The following DNAJC13 variants were observed in gnomAD, a reference collection of about 807,000 sequenced individuals.
DNAJC13 encodes the protein DnaJ heat shock protein family (Hsp40) member C13, also known as dnaJ homolog subfamily C member 13.
A neutral mutation model predicts 290.5 loss-of-function variants in DNAJC13; 75 were observed. That is an observed-to-expected ratio of 0.26 (90% CI 0.21 to 0.31). The LOEUF is 0.31. Ranked by LOEUF, DNAJC13 falls within the 10% of genes least tolerant of loss-of-function variation. The pLI is 1.00. For synonymous variants in DNAJC13, 862 were observed against 892.0 expected (o/e 0.97, Z 0.60); for missense variants, 2,260 against 2,674.5 (o/e 0.85, Z 3.42).
chr3:132,520,051 GC>G (rs1194083877), intron 48 of DNAJC13, among the ~76,000 whole-genome samples: 1 of 152,106 alleles, frequency 6.6e-6, no homozygotes, highest in Non-Finnish European at 1.5e-5. Flanking sequence ...AGAAAGACCT[GC>G]CCCTGTGATT....
intron 55 of DNAJC13, among the ~76,000 whole-genome samples, chr3:132,536,270 C>G (rs369738410): frequency 6.6e-6 from 1 of 152,126 alleles, no homozygotes; most frequent in African/African-American, 2.4e-5. Context: ...ATGGACAGGC[C>G]GAATCCGCTA....
intron 26 of DNAJC13, among the ~76,000 whole-genome samples, chr3:132,481,277 C>T (rs757242970): frequency 2.0e-5 from 3 of 152,102 alleles, no homozygotes; most frequent in Non-Finnish European, 4.4e-5. Context: ...ATTTCATTCT[C>T]AAGGAAGGTG....
intron 30 of DNAJC13, 111 bp from the exon 31 acceptor site, chr3:132,488,865 T>C: frequency 1.4e-6 from 1 of 731,384 alleles, no homozygotes; most frequent in Non-Finnish European, 2.3e-6. Flanking sequence ...TTTATGTGAG[T>C]TGCCATTTGT....
chr3:132,439,602 C>T (rs1271781892), intron 2 of DNAJC13, among the ~76,000 whole-genome samples: 2 of 152,134 alleles, frequency 1.3e-5, no homozygotes, highest in Non-Finnish European at 2.9e-5. Flanking sequence ...GATCACATCT[C>T]CTTTATCGGA....
intron 48 of DNAJC13, among the ~76,000 whole-genome samples, chr3:132,522,329 C>A (rs926300590): frequency 1.3e-5 from 2 of 152,002 alleles, no homozygotes; most frequent in Non-Finnish European, 2.9e-5. Flanking sequence ...TTTTTAAATC[C>A]TTTCTGGAAA....
chr3:132,480,045 AT>A (rs1934616312), intron 25 of DNAJC13, among the ~76,000 whole-genome samples: 1 of 152,206 alleles, frequency 6.6e-6, no homozygotes, highest in South Asian at 2.1e-4. Flanking sequence ...ATATAGAATA[AT>A]CTGTTTATTA....
chr3:132,501,569 C>CAA (rs74269441), intron 39 of DNAJC13, among the ~76,000 whole-genome samples: 41 of 106,180 alleles, frequency 3.9e-4, no homozygotes, highest in African/African-American at 1.3e-3. Context: ...GACTCTGTCT[C>CAA]AAAAAAAAAA....
chr3:132,526,307 T>C (rs761200810), intron 53 of DNAJC13, 26 bp downstream of exon 53: 38 of 1,612,116 alleles, frequency 2.4e-5, no homozygotes, highest in Non-Finnish European at 2.9e-5. Flanking sequence ...GATTTAGCAC[T>C]ATTTTAGGAA....
Position 132,483,269 on chromosome 3 carries a change from A to G in DNAJC13, c.2980-106A>G, listed in dbSNP as rs898099428. ...TTATTTTTTCTGAAATAGTGTACTT[A>G]CATGTTTGTTTCATAATTTAGTATG... On this transcript the variant is annotated intron_variant, in intron 27 of 55. Transcript: ENST00000260818. The G allele has an allele frequency of 7.7e-6, 8 of 1,041,258 alleles. No individual in the cohort carries two copies. The Admixed American group carries it at 1.8e-4, about 24-fold the overall frequency. The allele number at this position is 1,041,258 out of a possible 1,614,324, so 64.5% of individuals were successfully genotyped here. A position where few individuals can be genotyped will look rare whatever the true frequency, so the allele number is the denominator to read the frequency against.
chr3:132,485,755 T>C (rs758517505), intron 29 of DNAJC13, among the ~76,000 whole-genome samples: 34 of 152,366 alleles, frequency 2.2e-4, no homozygotes, highest in South Asian at 1.7e-3. Context: ...ATACCAATGA[T>C]TCAAAGCATT....
chr3:132,538,536 C>T lies in DNAJC13; in HGVS notation c.*254C>T, dbSNP rs943292162. The T allele has an allele frequency of 1.3e-5, 4 of 302,092 alleles. No individual in the cohort carries two copies. The allele number at this position is 302,092 out of a possible 1,614,324, so 18.7% of individuals were successfully genotyped here. On this transcript the variant is annotated 3_prime_UTR_variant, in exon 56 of 56. Coordinates refer to ENST00000260818, the MANE Select transcript of DNAJC13 (RefSeq NM_015268.4). Reference sequence around the variant, plus strand: ...CTTGGTGTATGTAAGCACATTTGTTCCTTTATATCTGTTTACAAAACTGTG... The same window carrying T: ...CTTGGTGTATGTAAGCACATTTGTTTCTTTATATCTGTTTACAAAACTGTG...
chr3:132,493,300 T>A (rs1254889559), intron 33 of DNAJC13, among the ~76,000 whole-genome samples: 1 of 152,060 alleles, frequency 6.6e-6, no homozygotes, highest in African/African-American at 2.4e-5. Context: ...GTGGAACTTA[T>A]ACCATTATTA....
chr3:132,469,265 C>A (rs566366013), intron 20 of DNAJC13, among the ~76,000 whole-genome samples: 1 of 152,262 alleles, frequency 6.6e-6, no homozygotes, highest in South Asian at 2.1e-4. Flanking sequence ...TGATCTTATG[C>A]TGTAGTTAGA....
In DNAJC13 at chr3:132,450,644, T is replaced by C. The variant is rs200877585; in HGVS notation, c.337-3T>C. 2.2e-5 allele frequency: 36 copies of C among 1,602,574 alleles called. 1 individual carries two copies. The highest frequency in any genetic ancestry group is 6.7e-5 in the South Asian group (6 of 89,940). On this transcript the variant is annotated splice_polypyrimidine_tract_variant and splice_region_variant and intron_variant, in intron 5 of 55. Transcript: ENST00000260818. ...CTAAAAGTAATACTGATTCTGTCTT[T>C]AGAGATACAACTGCTATAAGCATCA...
At chr3:132,474,826 C>CCTTT (rs1559886166) in intron 21 of DNAJC13, 106 bp from the exon 22 acceptor site, 21 of 47,030 alleles carry the variant, frequency 4.5e-4, no homozygotes, top group Non-Finnish European at 5.4e-4. Context: ...CCCCCCCCCC[C>CCTTT]TTTTTTTTTT....
At chr3:132,424,697 T>C (rs1939045454) in intron 1 of DNAJC13, among the ~76,000 whole-genome samples, 1 of 152,142 alleles carries the variant, frequency 6.6e-6, no homozygotes, top group Admixed American at 6.5e-5. Context: ...AAATTTGATA[T>C]TACCGCTGGC....
intron 55 of DNAJC13, among the ~76,000 whole-genome samples, chr3:132,536,807 G>T (rs1462516335): frequency 1.3e-5 from 2 of 152,136 alleles, no homozygotes; most frequent in African/African-American, 4.8e-5. Flanking sequence ...CATCCTGATT[G>T]GCTCAAGGCA....
intron 42 of DNAJC13, among the ~76,000 whole-genome samples, chr3:132,505,755 C>A (rs1405998348): frequency 6.6e-6 from 1 of 152,018 alleles, no homozygotes; most frequent in Non-Finnish European, 1.5e-5. Context: ...TTCTACCCTG[C>A]CACCTTTTAG....
intron 2 of DNAJC13, among the ~76,000 whole-genome samples, chr3:132,441,509 C>T (rs1933069341): frequency 6.6e-6 from 1 of 152,084 alleles, no homozygotes; most frequent in South Asian, 2.1e-4. Flanking sequence ...AGCCTGTTGG[C>T]GTAGATTCTC....
Sources: gnomAD v4.1 joint callset for allele counts (sites outside exome capture counted in the v4.1 genomes callset) on GRCh38, gnomAD v4.1.1 for gene constraint, MANE v1.5 for transcripts, NCBI Gene and HGNC (gene_info 2026-07-23, HGNC 2026-07-21) for gene names.